TNK1: variants seen among roughly 807,000 people sequenced by gnomAD.
The protein encoded by TNK1 is non-receptor tyrosine-protein kinase TNK1.
TNK1 carries 53 observed loss-of-function variants against 65.2 expected under a neutral mutation model. The observed-to-expected ratio is 0.81, with a 90% CI of 0.65 to 1.02. The LOEUF is 1.02. TNK1 is among the 50% of genes least tolerant of loss of function. The probability of loss-of-function intolerance (pLI) is 0.00; values close to 1 mark genes in which losing one functional copy is unlikely to be tolerated. For missense variants in TNK1, 837 were observed against 878.4 expected (o/e 0.95, Z 0.60); for synonymous variants, 353 against 364.6 (o/e 0.97, Z 0.36).
Position 7,383,588 on chromosome 17 carries a change from G to A in TNK1, c.398G>A (p.Gly133Glu). Residue 133 changes from glycine (G) to glutamate (E), a missense_variant, in exon 4 of 13, where the codon GGG (glycine) becomes GAG (glutamate). By Grantham distance (98) the Gly-to-Glu change is moderately conservative. Coordinates refer to ENST00000688331, the MANE Select transcript of TNK1 (RefSeq NM_003985.6). ...GSGCFGVVHR[G>E]LWTLPSGKSV... ...GGCTGCTTCGGTGTGGTGCACCGAG[G>A]GCTGTGGACGCTGCCCAGTGGCAAG... is the stretch of plus-strand genomic sequence containing the variant. The A allele has an allele frequency of 6.2e-7, 1 of 1,606,798 alleles. No individual in the cohort carries two copies. Among genetic ancestry groups the A allele is most frequent in the South Asian group, 1.1e-5 (1 of 90,302 alleles).
intron 8 of TNK1, 97 bp downstream of exon 8, chr17:7,386,752 C>T: frequency 8.3e-7 from 1 of 1,201,402 alleles, no homozygotes; most frequent in Admixed American, 2.0e-5. Context: ...TCCTTGAACC[C>T]TGATCTTCTG....
rs1341998072 is a variant in TNK1, at chr17:7,388,997, C to T, written c.1899C>T (p.Ser633=). The change falls in exon 13 of 13, where the codon AGC becomes AGT. Residue 633 remains serine (S), a synonymous_variant. Transcript: ENST00000688331. The surrounding 1 kb of genome is among the most constrained non-coding windows in gnomAD (Gnocchi z 4.5). ...TAGATCAGCTCTTCCACCTGAGTAG[C>T]CGGTCCAGAGCTGACTGCTGGCGCA... is the stretch of plus-strand genomic sequence containing the variant. ...LKVDQLFHLS[S]RSRADCWRIL... 1.9e-6 allele frequency: 3 copies of T among 1,554,512 alleles called. No individual in the cohort carries two copies. The highest frequency in any genetic ancestry group is 2.4e-5 in the East Asian group (1 of 41,148).
Position 7,383,296 on chromosome 17 carries a change from T to TAA in TNK1, c.211_212dup (p.Lys73LeufsTer39). ...CTCTGAAAAGGCTACGTTCTGGGCC[T>TAA]AAGTCTAAGAACTGGGTCTACAAGG... On this transcript the variant is annotated frameshift_variant, in exon 3 of 13. Coordinates refer to ENST00000688331, the MANE Select transcript of TNK1 (RefSeq NM_003985.6). LOFTEE classifies it high-confidence loss of function. 1.2e-6 allele frequency: 2 copies of TAA among 1,614,032 alleles called. No individual in the cohort carries two copies. The highest frequency in any genetic ancestry group is 1.7e-6 in the Non-Finnish European group (2 of 1,179,888).
rs533776640 is a variant in TNK1, at chr17:7,382,049, C to T, written c.-91-787C>T. Among the ~76,000 whole-genome samples the T allele has an allele frequency of 2.0e-5, 3 of 152,250 alleles. No individual in the cohort carries two copies. Among genetic ancestry groups the T allele is most frequent in the East Asian group, 3.9e-4 (2 of 5,178 alleles). The stretch of plus-strand genomic sequence containing the variant: ...TTGGGTGGCCGAGGCGGGCGGATCA[C>T]GAGGTCAGGAGTTCAAGACCAGCCT... On this transcript the variant is annotated intron_variant, in intron 1 of 12. Coordinates refer to ENST00000688331, the MANE Select transcript of TNK1 (RefSeq NM_003985.6). The surrounding 1 kb of genome is among the most constrained non-coding windows in gnomAD (Gnocchi z 4.1).
Position 7,388,825 on chromosome 17 carries a change from G to A in TNK1, c.1814G>A (p.Cys605Tyr). ...GTGCATGGGGTCACCCACCAGGAGT[G>A]CCAGACAGCACTAGGAGCCACTGGG... is the stretch of plus-strand genomic sequence containing the variant. ...LSVHGVTHQE[C>Y]QTALGATGGD... Residue 605 changes from cysteine to tyrosine, a missense_variant, in exon 12 of 13, where the codon TGC (cysteine) becomes TAC (tyrosine). Coordinates refer to ENST00000688331, the MANE Select transcript of TNK1 (RefSeq NM_003985.6). This position sits in a 1 kb window ranked among gnomAD's most constrained non-coding sequence, Gnocchi z 4.5. 1 of 1,608,212 alleles carries A rather than the reference G, an allele frequency of 6.2e-7. No individual in the cohort carries two copies. Among genetic ancestry groups the A allele is most frequent in the Non-Finnish European group, 8.5e-7 (1 of 1,177,226 alleles).
intron 5 of TNK1, 49 bp downstream of exon 5, chr17:7,383,913 G>A (rs754318744): frequency 3.8e-6 from 6 of 1,571,238 alleles, no homozygotes; most frequent in Admixed American, 1.8e-5. Context: ...CGGCAGGAGC[G>A]TGGGCGGCCA....
In TNK1 at chr17:7,389,063, C is replaced by G; in HGVS notation, c.1965C>G (p.Arg655=). The change falls in exon 13 of 13, where the codon CGC becomes CGG. Residue 655 remains arginine (R), a synonymous_variant. Coordinates refer to ENST00000688331, the MANE Select transcript of TNK1 (RefSeq NM_003985.6). ...HYQWDLSAAS[R]YVLARP ...AGTGGGACCTCTCAGCTGCCAGCCGCTATGTCCTGGCCAGGCCCTGAGCTC... is the reference window on the plus strand; with the variant it reads ...AGTGGGACCTCTCAGCTGCCAGCCGGTATGTCCTGGCCAGGCCCTGAGCTC... 2 of 1,553,476 alleles carry G rather than the reference C, an allele frequency of 1.3e-6. No individual in the cohort carries two copies. Among genetic ancestry groups the G allele is most frequent in the Non-Finnish European group, 1.7e-6 (2 of 1,147,904 alleles).
chr17:7,384,639 G>C lies in TNK1; in HGVS notation c.1022G>C (p.Arg341Pro). Residue 341 changes from arginine (R) to proline (P), a missense_variant, in exon 7 of 13, where the codon CGG becomes CCG. Arg to Pro is a moderately radical substitution (Grantham distance 103). Transcript: ENST00000688331. ...LILQRLEDRA[R>P]LPRPPLCSRA... ...CTGCAGCGGCTGGAGGACAGAGCCC[G>C]GCTGCCTAGGCCTCCCCTCTGCTCC... The C allele has an allele frequency of 6.2e-7, 1 of 1,609,176 alleles. No homozygotes were observed.
intron 10 of TNK1, among the ~76,000 whole-genome samples, chr17:7,387,755 C>T (rs1905265004): frequency 6.6e-6 from 1 of 152,108 alleles, no homozygotes; most frequent in African/African-American, 2.4e-5. Flanking sequence ...CAGGCATGTG[C>T]CACCACACCC....
Position 7,382,812 on chromosome 17 carries a change from C to T in TNK1, c.-91-24C>T. 8.8e-7 allele frequency: 1 copy of T among 1,140,848 alleles called. No individual in the cohort carries two copies. The allele number at this position is 1,140,848 out of a possible 1,614,324, so 70.7% of individuals were successfully genotyped here. ...CTCTGCTGTGTCCCTGCCTCTGTAC[C>T]TGAGTGTTTCTAATGACTTGCAGGT... On this transcript the variant is annotated intron_variant, in intron 1 of 12. Coordinates refer to ENST00000688331, the MANE Select transcript of TNK1 (RefSeq NM_003985.6). This position sits in a 1 kb window ranked among gnomAD's most constrained non-coding sequence, Gnocchi z 4.1.
rs1786947928 is a variant in TNK1 at position 7,389,065 on chromosome 17, A to G, written c.1967A>G (p.Tyr656Cys). The G allele has an allele frequency of 7.1e-6, 11 of 1,553,278 alleles. No homozygotes were observed. Among genetic ancestry groups the G allele is most frequent in the Non-Finnish European group, 9.6e-6 (11 of 1,147,818 alleles). Residue 656 changes from tyrosine (Y) to cysteine (C), a missense_variant, in exon 13 of 13, where the codon TAT (tyrosine) becomes TGT (cysteine). By Grantham distance (194) the Tyr-to-Cys change is radical. Coordinates refer to ENST00000688331, the MANE Select transcript of TNK1 (RefSeq NM_003985.6). ...YQWDLSAASR[Y>C]VLARP is the part of the protein sequence containing the mutation. ...TGGGACCTCTCAGCTGCCAGCCGCT[A>G]TGTCCTGGCCAGGCCCTGAGCTCAG...
At chr17:7,387,883 C>T (rs1484656177) in intron 10 of TNK1, among the ~76,000 whole-genome samples, 2 of 152,160 alleles carry the variant, frequency 1.3e-5, no homozygotes, top group Non-Finnish European at 2.9e-5. Context: ...GGATTACAGG[C>T]GTGAGACACT....
chr17:7,385,327 C>T lies in TNK1; in HGVS notation c.1137+573C>T, dbSNP rs1235191576. On this transcript the variant is annotated intron_variant, in intron 7 of 12. Coordinates refer to ENST00000688331, the MANE Select transcript of TNK1 (RefSeq NM_003985.6). ...TTGCGGTGAGCCGAGATCACACCAT[C>T]GCACTCCAGCCTGGGCAAAAAGAGC... Among the ~76,000 whole-genome samples, 7 of 149,206 alleles carry T rather than the reference C, an allele frequency of 4.7e-5. 1 individual carries two copies. The highest frequency in any genetic ancestry group is 2.0e-4 in the Admixed American group (3 of 14,950).
chr17:7,381,288 A>G (rs955022338), intron 1 of TNK1, among the ~76,000 whole-genome samples, 174 bp downstream of exon 1: 3 of 152,100 alleles, frequency 2.0e-5, no homozygotes, highest in Admixed American at 1.3e-4. Context: ...CCGAGCGCGC[A>G]GGGCCGGGTC....
Position 7,383,776 on chromosome 17 carries a change from TC to T in TNK1, c.496del (p.Leu166CysfsTer7). ...EGPMGTELGD[F>X]LREVSVMMNL... ...CCGATGGGCACAGAACTGGGGGACTTCCTGCGAGAGGTATCGGTCATGATGA... is the reference window on the plus strand; with the variant it reads ...CCGATGGGCACAGAACTGGGGGACTTCTGCGAGAGGTATCGGTCATGATGA... On this transcript the variant is annotated frameshift_variant, in exon 5 of 13. Coordinates refer to ENST00000688331, the MANE Select transcript of TNK1 (RefSeq NM_003985.6). LOFTEE classifies it high-confidence loss of function. 1 of 1,613,042 alleles carries T rather than the reference TC, an allele frequency of 6.2e-7. No homozygotes were observed. The highest frequency in any genetic ancestry group is 8.5e-7 in the Non-Finnish European group (1 of 1,179,518).
chr17:7,383,121 C>G (rs373034596), intron 2 of TNK1, 32 bp downstream of exon 2: 8 of 1,613,486 alleles, frequency 5.0e-6, no homozygotes, highest in Middle Eastern at 1.6e-4. Context: ...GCCCTGGTCT[C>G]TCTGTCCACA....
At position 7,383,791 on chromosome 17, in the gene TNK1, C is replaced by A; in HGVS notation, c.509C>A (p.Ser170Ter). 6.2e-7 allele frequency: 1 copy of A among 1,613,126 alleles called. No individual in the cohort carries two copies. Among genetic ancestry groups the A allele is most frequent in the Non-Finnish European group, 8.5e-7 (1 of 1,179,558 alleles). Residue 170 changes from serine to a stop codon, truncating the protein, a stop_gained, in exon 5 of 13, where the codon TCG (serine) becomes TAG (stop). Transcript: ENST00000688331. LOFTEE classifies it high-confidence loss of function. ...TELGDFLREVSVMMNLEHPHV... is the reference protein window; with the variant it reads ...TELGDFLREV ...CTGGGGGACTTCCTGCGAGAGGTAT[C>A]GGTCATGATGAACTTGGAGCACCCA...
rs1905464578 is a variant in TNK1 at position 7,389,531 on chromosome 17, G to A, written c.*447G>A. On this transcript the variant is annotated 3_prime_UTR_variant, in exon 13 of 13. Transcript: ENST00000688331. The stretch of plus-strand genomic sequence containing the variant: ...ATGATGGAAGCCACCATATTGACTT[G>A]GGGTATAGGCCCAAACTGCCTTCGT... The A allele has an allele frequency of 2.7e-6, 1 of 375,006 alleles. No individual in the cohort carries two copies. The highest frequency in any genetic ancestry group is 3.9e-5 in the East Asian group (1 of 25,354). The allele number at this position is 375,006 out of a possible 1,614,324, so 23.2% of individuals were successfully genotyped here. A position where few individuals can be genotyped will look rare whatever the true frequency, so the allele number is the denominator to read the frequency against.
At chr17:7,383,933 G>T in intron 5 of TNK1, 37 bp from the exon 6 acceptor site, 1 of 1,545,514 alleles carries the variant, frequency 6.5e-7, no homozygotes, top group Non-Finnish European at 8.7e-7. Flanking sequence ...AGGGTCCAAT[G>T]GGTCCGGCTC....
Sources: allele counts gnomAD v4.1 joint callset (sites outside exome capture counted in the v4.1 genomes callset), GRCh38; gene constraint gnomAD v4.1.1; non-coding constraint Gnocchi (gnomAD v3.1); transcripts MANE v1.5; gene names NCBI Gene and HGNC (gene_info 2026-07-23, HGNC 2026-07-21).